The following FOXO3 variants were observed in gnomAD, a reference collection of about 807,000 sequenced individuals.
FOXO3 encodes the protein forkhead box O3.
FOXO3 carries 4 observed loss-of-function variants against 41.9 expected under a neutral mutation model. That is an observed-to-expected ratio of 0.10 (90% CI 0.05 to 0.22). FOXO3 has a LOEUF of 0.22. Ranked by LOEUF, FOXO3 falls within the 10% of genes least tolerant of loss-of-function variation. The pLI is 1.00. For missense variants in FOXO3, 534 were observed against 906.8 expected (o/e 0.59, Z 5.28); for synonymous variants, 318 against 389.3 (o/e 0.82, Z 2.16).
intron 1 of FOXO3, among the ~76,000 whole-genome samples, chr6:108,648,040 C>T (rs1778440133): frequency 6.6e-6 from 1 of 152,146 alleles, no homozygotes; most frequent in Non-Finnish European, 1.5e-5. Flanking sequence ...TCTACATTCA[C>T]GACACTTTAC....
intron 1 of FOXO3, among the ~76,000 whole-genome samples, chr6:108,619,114 A>G (rs1222425331): frequency 6.6e-6 from 1 of 152,246 alleles, no homozygotes. Context: ...CCTCTATCAT[A>G]GATGGAATCC....
chr6:108,663,435 A>ATT lies in FOXO3; in HGVS notation c.622-17_622-16dup. On this transcript the variant is annotated intron_variant, in intron 1 of 2. Coordinates refer to ENST00000406360, the MANE Select transcript of FOXO3 (RefSeq NM_001455.4). ...TGGACCATTCTGGTTCATACTCTGTATTTTCTTTTCTCCCTGCAGAACTCC... is the reference window on the plus strand; with the variant it reads ...TGGACCATTCTGGTTCATACTCTGTATTTTTTCTTTTCTCCCTGCAGAACTCC... 1 of 1,584,800 alleles carries ATT rather than the reference A, an allele frequency of 6.3e-7. No individual in the cohort carries two copies. The highest frequency in any genetic ancestry group is 2.2e-5 in the East Asian group (1 of 44,604).
chr6:108,565,917 A>G (rs767789597), intron 1 of FOXO3, among the ~76,000 whole-genome samples: 1 of 152,176 alleles, frequency 6.6e-6, no homozygotes, highest in African/African-American at 2.4e-5. Flanking sequence ...ACATTGGCTC[A>G]TAATTTTGAC....
chr6:108,652,889 G>C (rs1778583589), intron 1 of FOXO3, among the ~76,000 whole-genome samples: 1 of 152,172 alleles, frequency 6.6e-6, no homozygotes. Context: ...GGGGCCCCAT[G>C]GCATCCCATG....
chr6:108,603,118 CT>C (rs1182276359), intron 1 of FOXO3, among the ~76,000 whole-genome samples: 1 of 128,588 alleles, frequency 7.8e-6, no homozygotes, highest in East Asian at 2.3e-4. Context: ...TTTTTTTTTT[CT>C]TTTTTACCTG....
intron 1 of FOXO3, among the ~76,000 whole-genome samples, chr6:108,612,657 G>GTGAC (rs1777395601): frequency 6.6e-6 from 1 of 151,692 alleles, no homozygotes; most frequent in African/African-American, 2.4e-5. Flanking sequence ...TCCAGCCTGG[G>GTGAC]TGACAATAGC....
In FOXO3 at chr6:108,673,276, C is replaced by T. The variant is rs376504432; in HGVS notation, c.*35-6551C>T. On this transcript the variant is annotated intron_variant, in intron 2 of 2. Transcript: ENST00000406360. ...CCCCATGGGAGGCAGCCCCAGCCGGCACTTACACCAAGGTGCAGGTGCAGG... is the reference window on the plus strand; with the variant it reads ...CCCCATGGGAGGCAGCCCCAGCCGGTACTTACACCAAGGTGCAGGTGCAGG... Among the ~76,000 whole-genome samples, 3 of 152,326 alleles carry T rather than the reference C, an allele frequency of 2.0e-5. No individual in the cohort carries two copies. The East Asian group carries it at 5.8e-4, about 29-fold the overall frequency.
At chr6:108,586,627 C>CCCTGGACAGGTAGGAAAA (rs1241905393) in intron 1 of FOXO3, among the ~76,000 whole-genome samples, 1 of 151,992 alleles carries the variant, frequency 6.6e-6, no homozygotes, top group African/African-American at 2.4e-5. Context: ...TGGGAGGAAA[C>CCCTGGACAGGTAGGAAAA]CCTGGACAGG....
chr6:108,661,572 A>G (rs1778866350), intron 1 of FOXO3, among the ~76,000 whole-genome samples: 1 of 152,182 alleles, frequency 6.6e-6, no homozygotes, highest in Non-Finnish European at 1.5e-5. Context: ...TATAATAGCA[A>G]TAAGAACACC....
intron 1 of FOXO3, among the ~76,000 whole-genome samples, chr6:108,639,163 C>T (rs1223977130): frequency 1.3e-5 from 2 of 152,194 alleles, no homozygotes; most frequent in African/African-American, 4.8e-5. Context: ...GCTTCTCTGA[C>T]CTGAAAATAG....
At chr6:108,601,222 C>T (rs113418303) in intron 1 of FOXO3, among the ~76,000 whole-genome samples, 5,719 of 151,798 alleles carry the variant, frequency 0.038, 147 homozygotes, top group Middle Eastern at 0.095. Flanking sequence ...CTGTGTTAGC[C>T]GGGATGGTCT....
At chr6:108,605,652 G>C (rs1290781266) in intron 1 of FOXO3, among the ~76,000 whole-genome samples, 3 of 152,208 alleles carry the variant, frequency 2.0e-5, no homozygotes, top group Non-Finnish European at 4.4e-5. Flanking sequence ...AAATGGTTCA[G>C]GGATGATTAG....
At chr6:108,629,481 A>G (rs1431591742) in intron 1 of FOXO3, among the ~76,000 whole-genome samples, 1 of 151,836 alleles carries the variant, frequency 6.6e-6, no homozygotes. Context: ...TTTGTTTGCT[A>G]TTTTTTTCTT....
chr6:108,673,827 A>G (rs1026017531), intron 2 of FOXO3, among the ~76,000 whole-genome samples: 7 of 152,194 alleles, frequency 4.6e-5, no homozygotes, highest in African/African-American at 1.7e-4. Flanking sequence ...CCCAGCAAAC[A>G]TAAACATTGT....
At chr6:108,633,722 C>CT (rs555503039) in intron 1 of FOXO3, among the ~76,000 whole-genome samples, 1 of 151,912 alleles carries the variant, frequency 6.6e-6, no homozygotes, top group Non-Finnish European at 1.5e-5. Context: ...ATGATCTACT[C>CT]TTTTTTGGTT....
rs1421997338 is a variant in FOXO3 at position 108,561,976 on chromosome 6, C to T, written c.621+147C>T. ...TCCGCTGCGAGGCTTTGGGGGTTAT[C>T]TTTGATCCCCGGAGTCGGGGCACCT... On this transcript the variant is annotated intron_variant, in intron 1 of 2. Transcript: ENST00000406360. 3.1e-6 allele frequency: 4 copies of T among 1,278,778 alleles called. No individual in the cohort carries two copies. The East Asian group carries it at 1.2e-4, about 39-fold the overall frequency. 79.2% of individuals were successfully genotyped at this position (1,278,778 alleles called of 1,614,324 possible).
intron 1 of FOXO3, among the ~76,000 whole-genome samples, chr6:108,624,553 C>T (rs982241537): frequency 1.3e-5 from 2 of 152,138 alleles, no homozygotes; most frequent in Non-Finnish European, 2.9e-5. Context: ...CACATCCTTG[C>T]ATGTGGACTT....
intron 1 of FOXO3, among the ~76,000 whole-genome samples, chr6:108,574,184 G>A (rs1324951275): frequency 2.0e-4 from 30 of 151,406 alleles, no homozygotes; most frequent in Non-Finnish European, 1.5e-5. Flanking sequence ...AAGAATTAGC[G>A]CGTACCTGGG....
chr6:108,561,936 T>C, intron 1 of FOXO3, 107 bp downstream of exon 1: 1 of 1,427,864 alleles, frequency 7.0e-7, no homozygotes, highest in Non-Finnish European at 9.2e-7. Flanking sequence ...GGGCAAGGGG[T>C]TGGCAGGGGG....
Sources: allele counts gnomAD v4.1 joint callset (sites outside exome capture counted in the v4.1 genomes callset), GRCh38; gene constraint gnomAD v4.1.1; transcripts MANE v1.5; gene names NCBI Gene and HGNC (gene_info 2026-07-23, HGNC 2026-07-21).